Variants in EAF2 observed in about 807,000 individuals in gnomAD.
The protein encoded by EAF2 is ELL-associated factor 2.
In EAF2, 29 loss-of-function variants were observed where a neutral mutation model predicts 29.4. The observed-to-expected ratio is 0.99, with a 90% CI of 0.73 to 1.35. The LOEUF (loss-of-function observed/expected upper bound fraction) is 1.35. Ranked by LOEUF, EAF2 falls within the 40% of genes most tolerant of loss-of-function variation. The pLI is 0.00. For synonymous variants in EAF2, 103 were observed against 102.5 expected (o/e 1.00, Z -0.03); for missense variants, 292 against 312.0 (o/e 0.94, Z 0.48).
At chr3:121,837,260 G>T (rs936552761) in intron 1 of EAF2, among the ~76,000 whole-genome samples, 16 of 152,058 alleles carry the variant, frequency 1.1e-4, no homozygotes, top group Admixed American at 2.6e-4. Context: ...TTGAGGACAG[G>T]TTCATTTCCA....
intron 5 of EAF2, among the ~76,000 whole-genome samples, chr3:121,879,880 G>A (rs1037179481): frequency 6.6e-6 from 1 of 151,798 alleles, no homozygotes; most frequent in South Asian, 2.1e-4. Context: ...ATCATCTGTG[G>A]TTCTATATGA....
chr3:121,841,561 A>G (rs1325248426), intron 1 of EAF2, among the ~76,000 whole-genome samples: 5 of 144,590 alleles, frequency 3.5e-5, no homozygotes, highest in Admixed American at 6.9e-5. Context: ...AGAAAGAAAA[A>G]AGATAGAAAG....
At chr3:121,875,107 T>C (rs1254888989) in intron 5 of EAF2, among the ~76,000 whole-genome samples, 1 of 151,914 alleles carries the variant, frequency 6.6e-6, no homozygotes, top group African/African-American at 2.4e-5. Flanking sequence ...CTTTTAATAG[T>C]TTTAATAGTT....
chr3:121,875,586 C>G (rs1468109344), intron 5 of EAF2, among the ~76,000 whole-genome samples: 1 of 151,960 alleles, frequency 6.6e-6, no homozygotes, highest in Non-Finnish European at 1.5e-5. Context: ...CTAAGAAAGT[C>G]AGCCAACAAA....
chr3:121,845,459 A>AAAAAAAGAAAG (rs71133578), intron 2 of EAF2, among the ~76,000 whole-genome samples: 63 of 96,634 alleles, frequency 6.5e-4, no homozygotes, highest in Non-Finnish European at 9.8e-4. Flanking sequence ...AAAAAAAAAA[A>AAAAAAAGAAAG]AAAGAAAGAA....
intron 2 of EAF2, among the ~76,000 whole-genome samples, chr3:121,850,996 C>T (rs1305874890): frequency 3.3e-5 from 5 of 152,102 alleles, no homozygotes; most frequent in East Asian, 1.9e-4. Flanking sequence ...CCACCGTGCC[C>T]GGCCAAGTCT....
intron 1 of EAF2, among the ~76,000 whole-genome samples, chr3:121,841,879 G>A (rs1708440770): frequency 6.6e-6 from 1 of 151,952 alleles, no homozygotes; most frequent in South Asian, 2.1e-4. Flanking sequence ...GGTGGTGCAC[G>A]CCCGTAATCT....
intron 5 of EAF2, among the ~76,000 whole-genome samples, chr3:121,885,090 T>C (rs544826713): frequency 2.0e-4 from 30 of 152,272 alleles, no homozygotes; most frequent in African/African-American, 6.7e-4. Flanking sequence ...CACATGAAAA[T>C]TGAACTTGTG....
chr3:121,856,924 A>G, intron 3 of EAF2, 87 bp from the exon 4 acceptor site: 2 of 1,066,116 alleles, frequency 1.9e-6, no homozygotes, highest in Non-Finnish European at 2.7e-6. Flanking sequence ...GGAAAAGAAT[A>G]AGTGGTCAGT....
chr3:121,879,210 C>A (rs1014052717), intron 5 of EAF2, among the ~76,000 whole-genome samples: 10 of 151,952 alleles, frequency 6.6e-5, no homozygotes, highest in South Asian at 6.2e-4. Flanking sequence ...AGTTTATTTG[C>A]GCATTTTTAA....
chr3:121,875,028 GAACTTTTAGGGA>G (rs1359778085), intron 5 of EAF2, among the ~76,000 whole-genome samples: 2 of 151,966 alleles, frequency 1.3e-5, no homozygotes, highest in East Asian at 1.9e-4. Flanking sequence ...AATATAATGA[GAACTTTTAGGGA>G]AACTTTTAGG....
intron 5 of EAF2, among the ~76,000 whole-genome samples, chr3:121,881,210 G>T (rs1709186091): frequency 6.6e-6 from 1 of 152,144 alleles, no homozygotes; most frequent in Non-Finnish European, 1.5e-5. Context: ...CAGTAACAGG[G>T]TAATGCTGGC....
At chr3:121,835,503 C>G in intron 1 of EAF2, 112 bp downstream of exon 1, 1 of 932,088 alleles carries the variant, frequency 1.1e-6, no homozygotes, top group South Asian at 1.5e-5. Flanking sequence ...TTGGAGACTA[C>G]GGGGCGGGGA....
chr3:121,859,806 G>A (rs1164514853), intron 4 of EAF2, among the ~76,000 whole-genome samples: 1 of 152,136 alleles, frequency 6.6e-6, no homozygotes, highest in Non-Finnish European at 1.5e-5. Flanking sequence ...TTGGCTGTGG[G>A]TTTGTCATAA....
At chr3:121,857,596 G>A (rs959412774) in intron 4 of EAF2, among the ~76,000 whole-genome samples, 2 of 151,606 alleles carry the variant, frequency 1.3e-5, no homozygotes, top group African/African-American at 2.4e-5. Flanking sequence ...TTGTAATTAC[G>A]CATTTTTCTG....
chr3:121,861,192 G>T (rs1032758492), intron 4 of EAF2, among the ~76,000 whole-genome samples: 6 of 152,278 alleles, frequency 3.9e-5, no homozygotes, highest in South Asian at 2.1e-4. Flanking sequence ...AGGTCCACTT[G>T]GTGCAGAGCT....
Position 121,835,406 on chromosome 3 carries a change from T to A in EAF2, c.106+15T>A, listed in dbSNP as rs1181573766. On this transcript the variant is annotated intron_variant, in intron 1 of 5. Transcript: ENST00000273668. ...CACTGTGCGCTGTGAGTGAGGACCA[T>A]CCGGGGATAGAGGGGGAGCCTCCCG... 2 of 1,611,610 alleles carry A rather than the reference T, an allele frequency of 1.2e-6. No homozygotes were observed. The highest frequency in any genetic ancestry group is 2.7e-5 in the African/African-American group (2 of 74,808).
At chr3:121,873,096 A>T in intron 5 of EAF2, 1 of 680,424 alleles carries the variant, frequency 1.5e-6, no homozygotes, top group Non-Finnish European at 2.6e-6. Flanking sequence ...TTTTCATTCT[A>T]CAATTTCTCC....
In EAF2 at chr3:121,840,498, AAAAAAAAAAAG is replaced by A. The variant is rs1286319180; in HGVS notation, c.107-3944_107-3934del. On this transcript the variant is annotated intron_variant, in intron 1 of 5. Coordinates refer to ENST00000273668, the MANE Select transcript of EAF2 (RefSeq NM_018456.6). ...GAGGGAGACTTCGTCTAAAAAAAAA[AAAAAAAAAAAG>A]AAAAAAAAAAAACGGGCCGGGTGCG... 7.8e-4 allele frequency among the ~76,000 whole-genome samples: 59 copies of A among 75,366 alleles called. 2 individuals carry two copies. The highest frequency in any genetic ancestry group is 8.9e-4 in the Admixed American group (8 of 9,000). The allele number at this position is 75,366 out of a possible 152,430, so 49.4% of individuals were successfully genotyped here.
Sources: gnomAD v4.1 joint callset for allele counts (sites outside exome capture counted in the v4.1 genomes callset) on GRCh38, gnomAD v4.1.1 for gene constraint, MANE v1.5 for transcripts, NCBI Gene and HGNC (gene_info 2026-07-23, HGNC 2026-07-21) for gene names.